The following DDAH1 variants were observed in gnomAD, a reference collection of about 807,000 sequenced individuals.
DDAH1 encodes dimethylarginine dimethylaminohydrolase 1, also known as N(G),N(G)-dimethylarginine dimethylaminohydrolase 1.
A neutral mutation model predicts 28.8 loss-of-function variants in DDAH1; 19 were observed. That is an observed-to-expected ratio of 0.66 (90% CI 0.46 to 0.97). The LOEUF is 0.97. Among genes scored for constraint, DDAH1 ranks in the 50% least tolerant of loss-of-function variants. The pLI is 0.00. For missense variants in DDAH1, 326 were observed against 375.9 expected, an observed-to-expected ratio of 0.87 and a Z score of 1.10; for synonymous variants, 153 against 154.4, an observed-to-expected ratio of 0.99 and a Z score of 0.07.
intron 1 of DDAH1, among the ~76,000 whole-genome samples, chr1:85,533,463 T>C (rs1333161320): frequency 3.9e-5 from 6 of 152,258 alleles, no homozygotes; most frequent in Admixed American, 2.0e-4. Flanking sequence ...CAAGAAAGTA[T>C]TATAAAATCT....
intron 1 of DDAH1, chr1:85,576,829 C>A (rs1272619361): frequency 6.5e-6 from 1 of 152,764 alleles, no homozygotes; most frequent in Non-Finnish European, 1.5e-5. Context: ...GCCAAACTGC[C>A]CGGGTCTACC....
At chr1:85,569,443 G>A (rs1223046630) in intron 1 of DDAH1, among the ~76,000 whole-genome samples, 1 of 152,202 alleles carries the variant, frequency 6.6e-6, no homozygotes, top group Non-Finnish European at 1.5e-5. Flanking sequence ...TGTGGTTCAT[G>A]TTCTAAGCTT....
At chr1:85,477,478 G>A (rs1042289683) in intron 2 of DDAH1, among the ~76,000 whole-genome samples, 4 of 152,006 alleles carry the variant, frequency 2.6e-5, no homozygotes, top group African/African-American at 9.7e-5. Context: ...AAAACCACCC[G>A]AAGAAAACAT....
intron 1 of DDAH1, among the ~76,000 whole-genome samples, chr1:85,556,715 C>T (rs771796830): frequency 3.9e-5 from 6 of 152,162 alleles, no homozygotes; most frequent in Non-Finnish European, 7.3e-5. Context: ...CTACCAACCA[C>T]GTATAACAAG....
intron 1 of DDAH1, among the ~76,000 whole-genome samples, chr1:85,526,704 C>T (rs571560010): frequency 2.4e-4 from 36 of 147,688 alleles, no homozygotes; most frequent in Admixed American, 8.2e-4. Flanking sequence ...ACGAGTATCC[C>T]ATAGGCCAGA....
intron 1 of DDAH1, among the ~76,000 whole-genome samples, chr1:85,577,574 G>C (rs1485703256): frequency 6.6e-6 from 1 of 151,584 alleles, no homozygotes; most frequent in African/African-American, 2.4e-5. Context: ...ATCACCTGGG[G>C]ACTTGTTAGA....
intron 1 of DDAH1, among the ~76,000 whole-genome samples, chr1:85,415,115 C>T (rs962201493): frequency 1.4e-5 from 2 of 145,478 alleles, no homozygotes; most frequent in African/African-American, 2.5e-5. Context: ...CCCAAGTTCA[C>T]GTGATTCTCC....
At chr1:85,442,750 G>A (rs138821189) in intron 1 of DDAH1, among the ~76,000 whole-genome samples, 6,632 of 152,190 alleles carry the variant, frequency 0.044, 247 homozygotes, top group South Asian at 0.18. Flanking sequence ...ATCTCATTGT[G>A]GTTTTGATTT....
intron 2 of DDAH1, among the ~76,000 whole-genome samples, chr1:85,475,149 A>T (rs996338689): frequency 2.6e-5 from 4 of 152,244 alleles, no homozygotes; most frequent in Admixed American, 2.6e-4. Context: ...CTATCTGTAC[A>T]ATCCTGGTCA....
At chr1:85,519,150 G>A (rs1265388406) in intron 1 of DDAH1, among the ~76,000 whole-genome samples, 2 of 133,186 alleles carry the variant, frequency 1.5e-5, no homozygotes, top group Non-Finnish European at 3.1e-5. Context: ...CTGGAGTGCA[G>A]TGGCATGATC....
chr1:85,436,227 A>AT (rs919129409), intron 1 of DDAH1, among the ~76,000 whole-genome samples: 6 of 145,220 alleles, frequency 4.1e-5, no homozygotes, highest in Non-Finnish European at 6.2e-5. Context: ...TCTTGTGATA[A>AT]TTTAAAAAAT....
intron 1 of DDAH1, chr1:85,577,929 G>GCCCCAT: frequency 1.0e-6 from 1 of 979,360 alleles, no homozygotes; most frequent in Non-Finnish European, 1.2e-6. Flanking sequence ...TGGGGAGGGT[G>GCCCCAT]AAGGAGAAAC....
chr1:85,458,013 AG>A (rs35104560), intron 1 of DDAH1, among the ~76,000 whole-genome samples: 55,328 of 152,092 alleles, frequency 0.36, 10,113 homozygotes, highest in Admixed American at 0.42. Flanking sequence ...ATAAAGGCAA[AG>A]GTTTACTTAC....
chr1:85,372,855 T>C (rs1229519475), intron 1 of DDAH1, among the ~76,000 whole-genome samples: 1 of 152,044 alleles, frequency 6.6e-6, no homozygotes. Flanking sequence ...CTGGCTAGGA[T>C]CCATTGTCTC....
intron 1 of DDAH1, among the ~76,000 whole-genome samples, chr1:85,397,587 T>C (rs982448860): frequency 6.6e-6 from 1 of 152,234 alleles, no homozygotes; most frequent in Non-Finnish European, 1.5e-5. Flanking sequence ...AGTACACTTT[T>C]ATAAACAAAA....
intron 1 of DDAH1, among the ~76,000 whole-genome samples, chr1:85,568,281 C>T (rs1239374763): frequency 6.6e-6 from 1 of 152,052 alleles, no homozygotes; most frequent in South Asian, 2.1e-4. Context: ...GAAAATTAAA[C>T]CCAAAGCAAA....
intron 1 of DDAH1, among the ~76,000 whole-genome samples, chr1:85,405,242 A>G (rs1235794383): frequency 6.6e-6 from 1 of 152,232 alleles, no homozygotes; most frequent in Non-Finnish European, 1.5e-5. Flanking sequence ...GGCCTCCAAC[A>G]TCTAATATAA....
Position 85,505,451 on chromosome 1 carries a change from G to T in DDAH1, c.-122-9170C>A, listed in dbSNP as rs138555678. Reference sequence around the variant, plus strand: ...TGAATTTTGGAAGGCCTGCTAAGAGGGAAAAAGTATTTCATTAAAGAAAGG... The same window carrying T: ...TGAATTTTGGAAGGCCTGCTAAGAGTGAAAAAGTATTTCATTAAAGAAAGG... On this transcript the variant is annotated intron_variant, in intron 1 of 6. Coordinates refer to the DDAH1 transcript ENST00000426972. Among the ~76,000 whole-genome samples, 74 of 152,084 alleles carry T rather than the reference G, an allele frequency of 4.9e-4. No individual in the cohort carries two copies. The East Asian group carries it at 0.011, about 23-fold the overall frequency.
chr1:85,541,463 A>AT (rs1215548312), intron 1 of DDAH1, among the ~76,000 whole-genome samples: 1 of 152,166 alleles, frequency 6.6e-6, no homozygotes, highest in African/African-American at 2.4e-5. Flanking sequence ...GGAAACTGTT[A>AT]TTTTTTTAAA....
Sources: gnomAD v4.1 joint callset for allele counts (sites outside exome capture counted in the v4.1 genomes callset) on GRCh38, gnomAD v4.1.1 for gene constraint, MANE v1.5 for transcripts, NCBI Gene and HGNC (gene_info 2026-07-23, HGNC 2026-07-21) for gene names.